Variants in KDELR2 observed in about 807,000 individuals in gnomAD.
The protein encoded by KDELR2 is ER lumen protein-retaining receptor 2.
KDELR2 carries 15 observed loss-of-function variants against 23.9 expected under a neutral mutation model. The observed-to-expected ratio is 0.63, with a 90% confidence interval of 0.42 to 0.97. The LOEUF (loss-of-function observed/expected upper bound fraction) is 0.97, where lower values mean the gene tolerates loss of function less well. KDELR2 is among the 50% of genes least tolerant of loss of function. The probability of loss-of-function intolerance (pLI) is 0.00; values close to 1 mark genes in which losing one functional copy is unlikely to be tolerated. For synonymous variants in KDELR2, 119 were observed against 106.2 expected (o/e 1.12, Z -0.74); for missense variants, 272 against 254.6 (o/e 1.07, Z -0.46).
intron 1 of KDELR2, chr7:6,482,309 T>G: frequency 5.0e-6 from 1 of 198,370 alleles, no homozygotes; most frequent in South Asian, 6.7e-5. Flanking sequence ...CTCCTAAGGT[T>G]ATTTTAATGA....
At position 6,479,301 on chromosome 7, in the gene KDELR2, C is replaced by T. The variant is rs78824568; in HGVS notation, c.91+4666G>A. On this transcript the variant is annotated intron_variant, in intron 1 of 4. Transcript: ENST00000258739. ...GCCTTCTGAGTAGCTGGGACCACAG[C>T]GCACCACCACGGCTGGCTAACTTTT... Among the ~76,000 whole-genome samples the T allele has an allele frequency of 3.3e-3, 506 of 152,002 alleles. 8 individuals are homozygous for T. The highest frequency in any genetic ancestry group is 0.012 in the African/African-American group (481 of 41,444).
At chr7:6,473,110 CAG>C (rs1194213822) in intron 2 of KDELR2, among the ~76,000 whole-genome samples, 3 of 91,910 alleles carry the variant, frequency 3.3e-5, no homozygotes, top group East Asian at 3.4e-4. Flanking sequence ...TTTTTAGAGA[CAG>C]GGGTCTAACT....
chr7:6,475,512 A>G (rs955826758), intron 1 of KDELR2, among the ~76,000 whole-genome samples: 1 of 152,210 alleles, frequency 6.6e-6, no homozygotes, highest in African/African-American at 2.4e-5. Context: ...TGAAGGTATG[A>G]ACCCACAACT....
intron 2 of KDELR2, among the ~76,000 whole-genome samples, chr7:6,473,426 G>C (rs1328168863): frequency 1.3e-5 from 2 of 152,170 alleles, no homozygotes; most frequent in Non-Finnish European, 2.9e-5. Context: ...AAGAACTGAA[G>C]CTCACGTAGT....
intron 1 of KDELR2, among the ~76,000 whole-genome samples, chr7:6,480,675 A>T (rs1462763558): frequency 1.3e-5 from 2 of 152,150 alleles, no homozygotes; most frequent in East Asian, 3.8e-4. Context: ...CTAAAAATGA[A>T]CCTTGGTATG....
At chr7:6,476,538 C>T (rs1012141944) in intron 1 of KDELR2, among the ~76,000 whole-genome samples, 15 of 152,152 alleles carry the variant, frequency 9.9e-5, no homozygotes, top group Non-Finnish European at 1.9e-4. Flanking sequence ...TATAAACATA[C>T]AGGATACAAG....
Position 6,462,406 on chromosome 7 carries a change from C to G in KDELR2, c.*735G>C, listed in dbSNP as rs1313846670. 2 of 152,918 alleles carry G rather than the reference C, an allele frequency of 1.3e-5. No individual in the cohort carries two copies. The highest frequency in any genetic ancestry group is 4.8e-5 in the African/African-American group (2 of 41,478). 9.5% of individuals were successfully genotyped at this position (152,918 alleles called of 1,614,324 possible). A position where few individuals can be genotyped will look rare whatever the true frequency, so the allele number is the denominator to read the frequency against. Reference sequence around the variant, plus strand: ...GATGGAAAGCAGCCAGAACCCCTGCCACTGGATTCTTCAGCACCCTTGGGA... The same window carrying G: ...GATGGAAAGCAGCCAGAACCCCTGCGACTGGATTCTTCAGCACCCTTGGGA... On this transcript the variant is annotated 3_prime_UTR_variant, in exon 5 of 5. Coordinates refer to ENST00000258739, the MANE Select transcript of KDELR2 (RefSeq NM_006854.4).
At chr7:6,466,944 G>C (rs1182638176) in intron 3 of KDELR2, among the ~76,000 whole-genome samples, 2 of 152,134 alleles carry the variant, frequency 1.3e-5, no homozygotes, top group Admixed American at 6.6e-5. Flanking sequence ...TGGGTGGCCT[G>C]GTTCCTAACA....
chr7:6,473,635 A>G (rs1461661512), intron 2 of KDELR2, among the ~76,000 whole-genome samples: 1 of 152,264 alleles, frequency 6.6e-6, no homozygotes, highest in Non-Finnish European at 1.5e-5. Context: ...TACTAAGTAA[A>G]TGATGGTATA....
chr7:6,470,849 T>A (rs1006981903), intron 2 of KDELR2, among the ~76,000 whole-genome samples: 6 of 152,132 alleles, frequency 3.9e-5, no homozygotes, highest in African/African-American at 1.4e-4. Context: ...GCATGGTGGC[T>A]CACGCCTGTA....
At chr7:6,468,879 G>A (rs1238897604) in intron 3 of KDELR2, among the ~76,000 whole-genome samples, 1 of 152,064 alleles carries the variant, frequency 6.6e-6, no homozygotes, top group Non-Finnish European at 1.5e-5. Context: ...GACCTCAAGT[G>A]ATCTGCCCAC....
At chr7:6,468,837 CCAT>C (rs1331175533) in intron 3 of KDELR2, among the ~76,000 whole-genome samples, 5 of 151,932 alleles carry the variant, frequency 3.3e-5, no homozygotes, top group Non-Finnish European at 7.4e-5. Context: ...CAGGGTTTCA[CCAT>C]GTTGGCCAGG....
intron 1 of KDELR2, among the ~76,000 whole-genome samples, chr7:6,476,774 G>A (rs1165594897): frequency 2.6e-5 from 4 of 152,056 alleles, no homozygotes; most frequent in Non-Finnish European, 5.9e-5. Context: ...AGCACATAAG[G>A]GGAACTGCTT....
At chr7:6,475,141 G>A (rs1390987636) in intron 1 of KDELR2, among the ~76,000 whole-genome samples, 1 of 152,168 alleles carries the variant, frequency 6.6e-6, no homozygotes, top group East Asian at 1.9e-4. Context: ...GATATGTTAA[G>A]ATTTTTAAAG....
In KDELR2 at chr7:6,466,189, A is replaced by T; in HGVS notation, c.486T>A (p.Tyr162Ter). Residue 162 changes from tyrosine to a stop codon, truncating the protein, a stop_gained, in exon 4 of 5, where the codon TAT (tyrosine) becomes TAA (stop). Coordinates refer to ENST00000258739, the MANE Select transcript of KDELR2 (RefSeq NM_006854.4). LOFTEE classifies it high-confidence loss of function. ...LFFLGLYRAL[Y>*]LVNWIWRFYF... ...AGAAGCGCCAGATCCAGTTGACAAG[A>T]TACAAAGCACGATAGAGGCCCAGGA... 1 of 1,614,196 alleles carries T rather than the reference A, an allele frequency of 6.2e-7. No homozygotes were observed.
intron 2 of KDELR2, 76 bp from the exon 3 acceptor site, chr7:6,469,830 C>T (rs1785588960): frequency 7.7e-7 from 1 of 1,297,552 alleles, no homozygotes; most frequent in Non-Finnish European, 1.0e-6. Flanking sequence ...TTTAATCACC[C>T]ATGTATTTGG....
At chr7:6,474,452 C>T (rs549647506) in intron 1 of KDELR2, among the ~76,000 whole-genome samples, 168 bp from the exon 2 acceptor site, 14 of 152,248 alleles carry the variant, frequency 9.2e-5, no homozygotes, top group Non-Finnish European at 1.8e-4. Flanking sequence ...TCTATCCCTT[C>T]CCATTCCCAA....
At chr7:6,463,217 A>C (rs768204034) in intron 4 of KDELR2, 42 bp from the exon 5 acceptor site, 1 of 1,531,086 alleles carries the variant, frequency 6.5e-7, no homozygotes, top group South Asian at 1.2e-5. Context: ...AAGGTTACTG[A>C]TATTGACAAA....
At chr7:6,466,741 C>T (rs149179723) in intron 3 of KDELR2, among the ~76,000 whole-genome samples, 66 of 151,554 alleles carry the variant, frequency 4.4e-4, no homozygotes, top group African/African-American at 1.6e-3. Flanking sequence ...GATCATCAGG[C>T]ATTAGATTTT....
Sources: allele counts gnomAD v4.1 joint callset (sites outside exome capture counted in the v4.1 genomes callset), GRCh38; gene constraint gnomAD v4.1.1; transcripts MANE v1.5; gene names NCBI Gene and HGNC (gene_info 2026-07-23, HGNC 2026-07-21).